Variants in DNAH8 observed in about 807,000 individuals in gnomAD.
DNAH8 encodes dynein axonemal heavy chain 8, also known as axonemal beta dynein heavy chain 8.
A neutral mutation model predicts 562.1 loss-of-function variants in DNAH8; 382 were observed. That is an observed-to-expected ratio of 0.68 (90% confidence interval 0.63 to 0.74). The LOEUF is 0.74. Ranked by LOEUF, DNAH8 falls within the 30% of genes least tolerant of loss-of-function variation. DNAH8 has a pLI of 0.00. For synonymous variants in DNAH8, 1,881 were observed against 1,919.4 expected (o/e 0.98, Z 0.52); for missense variants, 5,203 against 5,620.4 (o/e 0.93, Z 2.37).
In DNAH8 at chr6:39,008,845, G is replaced by A; in HGVS notation, c.13246G>A (p.Glu4416Lys). ...GAGTAACACTGCTTCTGCTGTTCTT[G>A]AAACAATTACCAACATTCAACCCAA... ...YQSNTASAVL[E>K]TITNIQPKES... Residue 4416 changes from glutamate (E) to lysine (K), a missense_variant, in exon 89 of 93, where the codon GAA becomes AAA. Glu to Lys is a moderately conservative substitution (Grantham distance 56). This residue lies in a region of DNAH8 where 1,399 missense variants were observed against 1,518.4 expected (regional missense o/e 0.92). Coordinates refer to ENST00000327475, the MANE Select transcript of DNAH8 (RefSeq NM_001206927.2). 1.9e-6 allele frequency: 3 copies of A among 1,608,696 alleles called. No homozygotes were observed. Among genetic ancestry groups the A allele is most frequent in the Non-Finnish European group, 2.6e-6 (3 of 1,175,460 alleles).
At position 38,982,385 on chromosome 6, in the gene DNAH8, T is replaced by C. The variant is rs763568443; in HGVS notation, c.12874T>C (p.Tyr4292His). 1 of 1,611,904 alleles carries C rather than the reference T, an allele frequency of 6.2e-7. No homozygotes were observed. The highest frequency in any genetic ancestry group is 8.5e-7 in the Non-Finnish European group (1 of 1,178,174). ...KFGPLGWNIP[Y>H]EFNSADFSAS... ...TGGCCCCTTAGGATGGAATATTCCC[T>C]ACGAATTCAATTCTGCTGACTTTTC... The change falls in exon 86 of 93, where the codon TAC becomes CAC. Residue 4292 changes from tyrosine to histidine, a missense_variant. Around this residue, in one of 6 missense-constraint regions of DNAH8, gnomAD observed 1,399 missense variants for 1,518.4 expected, o/e 0.92. Coordinates refer to ENST00000327475, the MANE Select transcript of DNAH8 (RefSeq NM_001206927.2).
chr6:38,754,291 T>A (rs1206546535), intron 9 of DNAH8, among the ~76,000 whole-genome samples: 1 of 152,130 alleles, frequency 6.6e-6, no homozygotes, highest in African/African-American at 2.4e-5. Flanking sequence ...GAGCCCTCTT[T>A]ATTGGAGTTT....
chr6:38,974,328 T>C, intron 84 of DNAH8, 46 bp from the exon 85 acceptor site: 3 of 1,416,620 alleles, frequency 2.1e-6, no homozygotes, highest in Non-Finnish European at 2.9e-6. Context: ...TTTTATTCTT[T>C]ATAGTAATTT....
intron 32 of DNAH8, among the ~76,000 whole-genome samples, chr6:38,837,436 G>T (rs1313430403): frequency 2.0e-5 from 3 of 152,190 alleles, no homozygotes; most frequent in African/African-American, 4.8e-5. Context: ...AAAATTAAAA[G>T]ACATGTGCAT....
chr6:38,873,748 ACACACACACACACACACACACC>A lies in DNAH8; in HGVS notation c.7620+374_7620+395del, dbSNP rs910677419. Among the ~76,000 whole-genome samples, 5 of 115,556 alleles carry A rather than the reference ACACACACACACACACACACACC, an allele frequency of 4.3e-5. No individual in the cohort carries two copies. In the East Asian group the frequency reaches 1.3e-3, roughly 31 times the overall value. The allele number at this position is 115,556 out of a possible 152,430, so 75.8% of individuals were successfully genotyped here. A position where few individuals can be genotyped will look rare whatever the true frequency, so the allele number is the denominator to read the frequency against. On this transcript the variant is annotated intron_variant, in intron 52 of 92. Transcript: ENST00000327475. ...CACCTACACACACACACACACACAC[ACACACACACACACACACACACC>A]CCTGCACTCCAGCTGGGGCGACAGA...
rs538375688 is a variant in DNAH8 at position 38,876,047 on chromosome 6, G to T, written c.7858+219G>T. 3.3e-5 allele frequency among the ~76,000 whole-genome samples: 5 copies of T among 152,242 alleles called. No individual in the cohort carries two copies. In the East Asian group the frequency reaches 9.7e-4, roughly 29 times the overall value. ...ACTCTTGACTTCTCCTTTTGGAGTG[G>T]GCTCAGTAAAATCTGGCATAAATAA... On this transcript the variant is annotated intron_variant, in intron 53 of 92. Coordinates refer to ENST00000327475, the MANE Select transcript of DNAH8 (RefSeq NM_001206927.2).
intron 10 of DNAH8, among the ~76,000 whole-genome samples, chr6:38,760,860 G>A (rs567872035): frequency 5.9e-5 from 9 of 152,226 alleles, no homozygotes; most frequent in East Asian, 1.9e-4. Context: ...CCGGTGCTAT[G>A]CTTCGTGTAC....
At chr6:38,730,678 C>T (rs906979352) in intron 4 of DNAH8, among the ~76,000 whole-genome samples, 2 of 152,296 alleles carry the variant, frequency 1.3e-5, no homozygotes, top group Non-Finnish European at 2.9e-5. Context: ...CCAAGTATAT[C>T]TTTTATTGTT....
chr6:38,921,883 C>T (rs991940452), intron 71 of DNAH8, among the ~76,000 whole-genome samples: 45 of 151,406 alleles, frequency 3.0e-4, no homozygotes, highest in Non-Finnish European at 5.9e-5. Flanking sequence ...GGGGTGGGGC[C>T]GTTTTATAGG....
chr6:38,902,909 A>G (rs974198970), intron 62 of DNAH8, among the ~76,000 whole-genome samples: 1 of 152,244 alleles, frequency 6.6e-6, no homozygotes, highest in South Asian at 2.1e-4. Context: ...CAGACAACAT[A>G]TATGATGGTG....
intron 61 of DNAH8, 31 bp downstream of exon 61, chr6:38,898,411 A>G: frequency 6.7e-7 from 1 of 1,503,502 alleles, no homozygotes; most frequent in Non-Finnish European, 8.8e-7. Context: ...ACTGATATAA[A>G]TAGATGATTT....
At chr6:38,737,996 T>C in intron 7 of DNAH8, 24 bp downstream of exon 7, 3 of 1,604,596 alleles carry the variant, frequency 1.9e-6, no homozygotes, top group Non-Finnish European at 2.6e-6. Flanking sequence ...AACAATTGCA[T>C]CTGGACTAGT....
intron 63 of DNAH8, among the ~76,000 whole-genome samples, chr6:38,906,791 G>C (rs546319512): frequency 6.6e-6 from 1 of 152,020 alleles, no homozygotes. Flanking sequence ...CAGCACTTCC[G>C]TGAGCACTCA....
At chr6:38,828,010 T>C (rs1404762101) in intron 29 of DNAH8, among the ~76,000 whole-genome samples, 174 bp from the exon 30 acceptor site, 3 of 152,096 alleles carry the variant, frequency 2.0e-5, no homozygotes, top group African/African-American at 7.2e-5. Context: ...CCAGAGTTAG[T>C]ATCTGGTAGT....
At chr6:38,875,877 G>A (rs756467460) in intron 53 of DNAH8, 49 bp downstream of exon 53, 2 of 1,201,680 alleles carry the variant, frequency 1.7e-6, no homozygotes, top group South Asian at 1.3e-5. Context: ...TTTCAAATGA[G>A]AAAATATAAG....
intron 8 of DNAH8, among the ~76,000 whole-genome samples, chr6:38,745,556 A>G (rs1201067361): frequency 1.3e-5 from 2 of 152,196 alleles, no homozygotes; most frequent in Non-Finnish European, 1.5e-5. Flanking sequence ...CTATTGTACA[A>G]TGATCAAAAT....
At chr6:38,992,789 G>A (rs1764882507) in intron 88 of DNAH8, among the ~76,000 whole-genome samples, 1 of 152,156 alleles carries the variant, frequency 6.6e-6, no homozygotes, top group Admixed American at 6.5e-5. Flanking sequence ...CAACGCAAAT[G>A]TAAAAGCAAT....
At chr6:38,791,483 G>A in intron 20 of DNAH8, 72 bp from the exon 21 acceptor site, 4 of 1,493,126 alleles carry the variant, frequency 2.7e-6, no homozygotes, top group Non-Finnish European at 3.6e-6. Context: ...TATAACTCAA[G>A]CCTCTTTTGG....
chr6:38,808,224 G>T (rs976080840), intron 24 of DNAH8, among the ~76,000 whole-genome samples: 1 of 152,146 alleles, frequency 6.6e-6, no homozygotes, highest in Admixed American at 6.5e-5. Context: ...AAGCTTCTGT[G>T]AGTACCTGCC....
Sources: gnomAD v4.1 joint callset for allele counts (sites outside exome capture counted in the v4.1 genomes callset) on GRCh38, gnomAD v4.1.1 for gene constraint, gnomAD v4.1.1 regional missense constraint, MANE v1.5 for transcripts, NCBI Gene and HGNC (gene_info 2026-07-23, HGNC 2026-07-21) for gene names.